The following UNC79 variants were observed in gnomAD, a reference collection of about 807,000 sequenced individuals.
The protein encoded by UNC79 is protein unc-79 homolog.
In UNC79, 37 loss-of-function variants were observed where a neutral mutation model predicts 283.1. The ratio of observed to expected loss-of-function variants is 0.13; its 90% confidence interval spans 0.10 to 0.17. The LOEUF (loss-of-function observed/expected upper bound fraction) is 0.17. Ranked by LOEUF, UNC79 falls within the 10% of genes least tolerant of loss-of-function variation. The pLI is 1.00. For missense variants in UNC79, 2,272 were observed against 3,211.1 expected, an observed-to-expected ratio of 0.71 and a Z score of 7.07; for synonymous variants, 1,107 against 1,200.2, an observed-to-expected ratio of 0.92 and a Z score of 1.61.
chr14:93,454,237 G>T (rs2056732335), intron 1 of UNC79, among the ~76,000 whole-genome samples: 1 of 151,998 alleles, frequency 6.6e-6, no homozygotes, highest in African/African-American at 2.4e-5. Context: ...TTGAGATGGG[G>T]TCTCACTGTG....
chr14:93,396,626 C>G (rs536151193), intron 1 of UNC79, among the ~76,000 whole-genome samples: 1 of 152,214 alleles, frequency 6.6e-6, no homozygotes, highest in East Asian at 1.9e-4. Flanking sequence ...TTTAGTGACT[C>G]TTCTCAATTA....
intron 1 of UNC79, among the ~76,000 whole-genome samples, chr14:93,381,652 G>C (rs1011179688): frequency 6.6e-6 from 1 of 152,218 alleles, no homozygotes. Context: ...GAATACTTCA[G>C]TGGGAAGAAG....
chr14:93,492,344 A>G (rs988128560), intron 5 of UNC79, among the ~76,000 whole-genome samples: 2 of 151,212 alleles, frequency 1.3e-5, no homozygotes, highest in African/African-American at 4.8e-5. Context: ...TGAGTTTTAA[A>G]TTATGGAGAG....
At position 93,386,927 on chromosome 14, in the gene UNC79, C is replaced by CTTT. The variant is rs35267402; in HGVS notation, c.-351+53434_-351+53436dup. On this transcript the variant is annotated intron_variant, in intron 1 of 49. Coordinates refer to the UNC79 transcript ENST00000256339. ...TTCATTTCAATTTCATGTATTTCTGCTTTTTTTTTTTTTTTTTTTTTTTTT... is the reference window on the plus strand; with the variant it reads ...TTCATTTCAATTTCATGTATTTCTGCTTTTTTTTTTTTTTTTTTTTTTTTTTTT... Among the ~76,000 whole-genome samples, 50 of 27,196 alleles carry CTTT rather than the reference C, an allele frequency of 1.8e-3. 7 individuals carry two copies. The highest frequency in any genetic ancestry group is 2.2e-3 in the Non-Finnish European group (36 of 16,384). The allele number at this position is 27,196 out of a possible 152,430, so 17.8% of individuals were successfully genotyped here.
intron 22 of UNC79, among the ~76,000 whole-genome samples, chr14:93,587,363 C>T (rs745632857): frequency 5.3e-5 from 8 of 152,036 alleles, no homozygotes; most frequent in South Asian, 4.2e-4. Context: ...TATAATAAAA[C>T]GTTACCCTAG....
intron 1 of UNC79, among the ~76,000 whole-genome samples, chr14:93,461,714 C>T (rs754625397): frequency 1.8e-4 from 27 of 152,066 alleles, no homozygotes; most frequent in Non-Finnish European, 3.7e-4. Context: ...AGACAGTCAA[C>T]GGTCACCTAA....
At chr14:93,510,536 A>C (rs1259490514) in intron 7 of UNC79, among the ~76,000 whole-genome samples, 2 of 152,204 alleles carry the variant, frequency 1.3e-5, no homozygotes, top group African/African-American at 4.8e-5. Flanking sequence ...GCTGCTTAGA[A>C]ATTTCTTCTG....
At chr14:93,580,429 A>C in intron 19 of UNC79, 53 bp downstream of exon 19, 5 of 1,530,442 alleles carry the variant, frequency 3.3e-6, no homozygotes, top group Non-Finnish European at 4.5e-6. Context: ...TAAAGACTGC[A>C]GTAGCTGATG....
At chr14:93,519,597 C>T (rs1357401718) in intron 7 of UNC79, among the ~76,000 whole-genome samples, 3 of 151,756 alleles carry the variant, frequency 2.0e-5, no homozygotes, top group African/African-American at 7.2e-5. Flanking sequence ...TATCATGTTA[C>T]ACTTGTTTTA....
chr14:93,467,838 T>A (rs1041458387), intron 2 of UNC79, 47 bp downstream of exon 2: 1 of 1,457,434 alleles, frequency 6.9e-7, no homozygotes. Flanking sequence ...TTAGGTAGTA[T>A]TGCTGAATTT....
exon 1 of UNC79, chr14:93,333,268 C>T (rs1014399117): frequency 2.5e-6 from 1 of 402,286 alleles, no homozygotes. Flanking sequence ...GGGAGTTTGC[C>T]TCTTGTGGCA....
chr14:93,587,886 T>C (rs2064333364), intron 22 of UNC79, among the ~76,000 whole-genome samples: 1 of 152,118 alleles, frequency 6.6e-6, no homozygotes, highest in Non-Finnish European at 1.5e-5. Context: ...GAATGATGAA[T>C]GATGAAAGGC....
At chr14:93,358,905 C>A (rs979246698) in intron 1 of UNC79, among the ~76,000 whole-genome samples, 1 of 152,106 alleles carries the variant, frequency 6.6e-6, no homozygotes, top group African/African-American at 2.4e-5. Context: ...AAAGTCCCAG[C>A]GGGCCCCTAG....
chr14:93,390,691 A>G (rs763505239), intron 1 of UNC79, among the ~76,000 whole-genome samples: 4 of 152,206 alleles, frequency 2.6e-5, no homozygotes, highest in Non-Finnish European at 4.4e-5. Flanking sequence ...AATGAAATAT[A>G]AAAAGCAACC....
In UNC79 at chr14:93,621,163, A is replaced by T. The variant is rs2067101745; in HGVS notation, c.4388-458A>T. On this transcript the variant is annotated intron_variant, in intron 29 of 48. Coordinates refer to ENST00000555664, the Ensembl canonical transcript of UNC79. The surrounding 1 kb of genome is among the most constrained non-coding windows in gnomAD (Gnocchi z 4.8). ...TAATACCGTTGATTTATATATATGTATGCACAAACAGTATATATATATACA... is the reference window on the plus strand; with the variant it reads ...TAATACCGTTGATTTATATATATGTTTGCACAAACAGTATATATATATACA... The T allele has an allele frequency of 5.6e-6, 2 of 358,170 alleles. No homozygotes were observed. Among genetic ancestry groups the T allele is most frequent in the Non-Finnish European group, 1.1e-5 (2 of 182,618 alleles). 22.2% of individuals were successfully genotyped at this position (358,170 alleles called of 1,614,324 possible).
chr14:93,373,185 G>C (rs571741029), intron 1 of UNC79, among the ~76,000 whole-genome samples: 1 of 152,162 alleles, frequency 6.6e-6, no homozygotes, highest in Non-Finnish European at 1.5e-5. Flanking sequence ...AAATTTTATA[G>C]CATTGAGTAC....
At chr14:93,540,744 C>T (rs745405635) in exon 13 of UNC79, 1 of 1,613,778 alleles carries the variant, frequency 6.2e-7, no homozygotes, top group East Asian at 2.2e-5. Context: ...CCTCTTCCCA[C>T]CATTCCCTGG....
intron 41 of UNC79, among the ~76,000 whole-genome samples, chr14:93,674,236 A>G (rs1179612860): frequency 6.6e-6 from 1 of 152,184 alleles, no homozygotes; most frequent in Non-Finnish European, 1.5e-5. Flanking sequence ...TGAAGGAAGT[A>G]GCATTTGAGT....
At chr14:93,600,664 G>A in exon 25 of UNC79, 4 of 1,613,848 alleles carry the variant, frequency 2.5e-6, no homozygotes, top group Non-Finnish European at 2.5e-6. Flanking sequence ...TTCTTAAGCA[G>A]GATATTCCTG....
Sources: allele counts gnomAD v4.1 joint callset (sites outside exome capture counted in the v4.1 genomes callset), GRCh38; gene constraint gnomAD v4.1.1; non-coding constraint Gnocchi (gnomAD v3.1); transcripts MANE v1.5; gene names NCBI Gene and HGNC (gene_info 2026-07-23, HGNC 2026-07-21).